The following RAB7A variants were observed in gnomAD, a reference collection of about 807,000 sequenced individuals.
The protein encoded by RAB7A is ras-related protein Rab-7a.
In RAB7A, 2 loss-of-function variants were observed where a neutral mutation model predicts 24.5. The ratio of observed to expected loss-of-function variants is 0.08; its 90% CI spans 0.03 to 0.26. The LOEUF (loss-of-function observed/expected upper bound fraction) is 0.26. Among genes scored for constraint, RAB7A ranks in the 10% least tolerant of loss-of-function variants. The pLI is 1.00. For missense variants in RAB7A, 118 were observed against 255.7 expected (o/e 0.46, Z 3.67); for synonymous variants, 100 against 95.9 (o/e 1.04, Z -0.25).
At chr3:128,761,858 A>C (rs1272427411) in intron 1 of RAB7A, among the ~76,000 whole-genome samples, 1 of 152,216 alleles carries the variant, frequency 6.6e-6, no homozygotes, top group African/African-American at 2.4e-5. Flanking sequence ...CGAGCATTTA[A>C]TGTTTTCATT....
At chr3:128,797,914 T>G in intron 2 of RAB7A, 29 bp from the exon 3 acceptor site, 1 of 1,611,122 alleles carries the variant, frequency 6.2e-7, no homozygotes, top group Non-Finnish European at 8.5e-7. Flanking sequence ...CCTATTTGAC[T>G]TATACTTATG....
intron 1 of RAB7A, among the ~76,000 whole-genome samples, chr3:128,730,404 A>G (rs2107580797): frequency 6.6e-6 from 1 of 152,046 alleles, no homozygotes; most frequent in African/African-American, 2.4e-5. Context: ...TAATTTTTGT[A>G]TTTTTAGTAG....
intron 3 of RAB7A, among the ~76,000 whole-genome samples, chr3:128,803,747 G>A (rs888177908): frequency 6.6e-6 from 1 of 152,176 alleles, no homozygotes; most frequent in African/African-American, 2.4e-5. Context: ...GTTGCAAAAA[G>A]CTGTACAGGA....
chr3:128,761,158 G>T (rs1252707264), intron 1 of RAB7A, among the ~76,000 whole-genome samples: 1 of 152,102 alleles, frequency 6.6e-6, no homozygotes, highest in Non-Finnish European at 1.5e-5. Flanking sequence ...ATTCTGGCCT[G>T]TATTCTTCTA....
At position 128,813,505 on chromosome 3, in the gene RAB7A, C is replaced by A; in HGVS notation, c.*83C>A. ...TCAACACAATTCCCCTCTCCTCTTC[C>A]AAACAAAACATACATTGATCTCTCA... On this transcript the variant is annotated 3_prime_UTR_variant, in exon 6 of 6. Transcript: ENST00000265062. 2.3e-6 allele frequency: 3 copies of A among 1,294,868 alleles called. No individual in the cohort carries two copies. The highest frequency in any genetic ancestry group is 3.4e-6 in the Non-Finnish European group (3 of 894,998). The allele number at this position is 1,294,868 out of a possible 1,614,324, so 80.2% of individuals were successfully genotyped here.
intron 1 of RAB7A, among the ~76,000 whole-genome samples, chr3:128,733,484 T>C (rs1340141622): frequency 2.6e-5 from 4 of 152,226 alleles, no homozygotes; most frequent in Non-Finnish European, 5.9e-5. Flanking sequence ...AGGGCTGCCG[T>C]AACAAGTATC....
chr3:128,772,522 T>C lies in RAB7A; in HGVS notation c.-8-22838T>C, dbSNP rs1441132369. Among the ~76,000 whole-genome samples, 12 of 152,354 alleles carry C rather than the reference T, an allele frequency of 7.9e-5. No individual in the cohort carries two copies. In the East Asian group the frequency reaches 1.9e-3, roughly 24 times the overall value. Reference sequence around the variant, plus strand: ...AACATGTCCTAATAGTTACATGTTATGCCTAATCTGTTAGTGTACTTGGGT... The same window carrying C: ...AACATGTCCTAATAGTTACATGTTACGCCTAATCTGTTAGTGTACTTGGGT... On this transcript the variant is annotated intron_variant, in intron 1 of 5. Transcript: ENST00000265062.
chr3:128,758,518 G>A (rs1158996230), intron 1 of RAB7A, among the ~76,000 whole-genome samples: 3 of 151,326 alleles, frequency 2.0e-5, no homozygotes, highest in African/African-American at 2.4e-5. Flanking sequence ...CTCGTGATCC[G>A]CCCGCCTCGG....
chr3:128,772,218 T>G (rs1213143179), intron 1 of RAB7A, among the ~76,000 whole-genome samples: 1 of 152,092 alleles, frequency 6.6e-6, no homozygotes, highest in Non-Finnish European at 1.5e-5. Context: ...TGGACAAGAG[T>G]GATTTGCATT....
At chr3:128,734,297 G>A (rs1251152330) in intron 1 of RAB7A, among the ~76,000 whole-genome samples, 1 of 151,836 alleles carries the variant, frequency 6.6e-6, no homozygotes, top group African/African-American at 2.4e-5. Flanking sequence ...CAGGCGTGGT[G>A]GTGGGCACTT....
chr3:128,812,699 G>A (rs1933952359), intron 5 of RAB7A, among the ~76,000 whole-genome samples: 1 of 152,198 alleles, frequency 6.6e-6, no homozygotes, highest in Admixed American at 6.5e-5. Context: ...GTCACAGATG[G>A]TGATAAAATT....
intron 1 of RAB7A, among the ~76,000 whole-genome samples, chr3:128,790,248 A>G (rs760396337): frequency 2.4e-4 from 36 of 152,240 alleles, no homozygotes; most frequent in Non-Finnish European, 4.4e-4. Context: ...ACCATTTGCA[A>G]CAACTCTGAA....
At chr3:128,795,173 G>T (rs754623626) in intron 1 of RAB7A, 187 bp from the exon 2 acceptor site, 2 of 648,448 alleles carry the variant, frequency 3.1e-6, no homozygotes, top group Non-Finnish European at 5.7e-6. Context: ...GTTCTGCCTC[G>T]CTCTTGGGTC....
At chr3:128,737,249 C>T (rs929734544) in intron 1 of RAB7A, among the ~76,000 whole-genome samples, 1 of 151,754 alleles carries the variant, frequency 6.6e-6, no homozygotes, top group Non-Finnish European at 1.5e-5. Context: ...CTGTGTTAGC[C>T]AGGATGGTCT....
chr3:128,754,297 T>C (rs146024881), intron 1 of RAB7A, among the ~76,000 whole-genome samples: 2 of 152,236 alleles, frequency 1.3e-5, no homozygotes, highest in African/African-American at 4.8e-5. Flanking sequence ...GTTGGAGCTG[T>C]ATAGGAGCAG....
chr3:128,759,730 A>G (rs2070762105), intron 1 of RAB7A, among the ~76,000 whole-genome samples: 1 of 151,294 alleles, frequency 6.6e-6, no homozygotes, highest in African/African-American at 2.4e-5. Flanking sequence ...TTTTTCTGAG[A>G]CGGAGTTTCG....
At position 128,731,969 on chromosome 3, in the gene RAB7A, C is replaced by T. The variant is rs146703317; in HGVS notation, c.-9+5610C>T. Among the ~76,000 whole-genome samples the T allele has an allele frequency of 3.1e-3, 462 of 147,962 alleles. 4 individuals carry two copies. The highest frequency in any genetic ancestry group is 0.011 in the African/African-American group (439 of 40,210). ...GCAGTGAGCCGGGATCGTGCCATTG[C>T]ACTCCAGCCTGGCGACAGAGCAAGA... On this transcript the variant is annotated intron_variant, in intron 1 of 5. Coordinates refer to ENST00000265062, the MANE Select transcript of RAB7A (RefSeq NM_004637.6).
chr3:128,740,066 C>CA lies in RAB7A; in HGVS notation c.-9+13715dup, dbSNP rs749170445. On this transcript the variant is annotated intron_variant, in intron 1 of 5. Transcript: ENST00000265062. The stretch of plus-strand genomic sequence containing the variant: ...AGACAACAAGAGCGAAACTCCATCT[C>CA]AAAAAAAACAAAAACAAAGAAAAGG... 1.0e-3 allele frequency among the ~76,000 whole-genome samples: 153 copies of CA among 149,620 alleles called. 1 individual carries two copies. The highest frequency in any genetic ancestry group is 2.5e-3 in the Admixed American group (37 of 14,944).
intron 4 of RAB7A, 137 bp downstream of exon 4, chr3:128,806,727 C>G (rs1933811608): frequency 3.3e-6 from 3 of 907,396 alleles, no homozygotes; most frequent in Non-Finnish European, 5.2e-6. Flanking sequence ...GCCAGCCCTT[C>G]AGGCCAACTG....
Sources: allele counts gnomAD v4.1 joint callset (sites outside exome capture counted in the v4.1 genomes callset), GRCh38; gene constraint gnomAD v4.1.1; transcripts MANE v1.5; gene names NCBI Gene and HGNC (gene_info 2026-07-23, HGNC 2026-07-21).